Variants in UPF2 observed in about 807,000 individuals in gnomAD.
UPF2 encodes UPF2 regulator of nonsense mediated mRNA decay.
Under a neutral mutation model 141.4 loss-of-function variants are expected in UPF2, and 17 were observed. That is an observed-to-expected ratio of 0.12 (90% CI 0.08 to 0.18). UPF2 has a LOEUF of 0.18. Among genes scored for constraint, UPF2 ranks in the 10% least tolerant of loss-of-function variants. The pLI, the probability that UPF2 is intolerant of heterozygous loss-of-function variation, is 1.00. For missense variants in UPF2, 1,152 were observed against 1,515.9 expected (o/e 0.76, Z 3.99); for synonymous variants, 540 against 498.0 (o/e 1.08, Z -1.12).
rs978794702 is a variant in UPF2 at position 11,921,448 on chromosome 10, C to T, written c.3810-141G>A. 1 of 876,934 alleles carries T rather than the reference C, an allele frequency of 1.1e-6. No individual in the cohort carries two copies. The highest frequency in any genetic ancestry group is 1.5e-5 in the South Asian group (1 of 65,508). The allele number at this position is 876,934 out of a possible 1,614,324, so 54.3% of individuals were successfully genotyped here. A position where few individuals can be genotyped will look rare whatever the true frequency, so the allele number is the denominator to read the frequency against. ...GCCCTGGCATCTGCGGGTTCCACAT[C>T]CATGGACCAAAAATATTCGGGGGAA... On this transcript the variant is annotated intron_variant, in intron 21 of 21. Coordinates refer to ENST00000357604, the MANE Select transcript of UPF2 (RefSeq NM_015542.4). The surrounding 1 kb of genome is among the most constrained non-coding windows in gnomAD (Gnocchi z 5.9).
At chr10:11,938,868 T>TGTTTTTTTTTTTG (rs1340961677) in intron 18 of UPF2, among the ~76,000 whole-genome samples, 96 of 90,854 alleles carry the variant, frequency 1.1e-3, no homozygotes, top group Non-Finnish European at 1.9e-3. Flanking sequence ...TTTTTTTTTT[T>TGTTTTTTTTTTTG]TTTTTTTTTT....
rs926579572 is a variant in UPF2, at chr10:12,009,893, T to C, written c.1306+4131A>G. 9.9e-5 allele frequency among the ~76,000 whole-genome samples: 15 copies of C among 152,188 alleles called. 1 individual carries two copies. Among genetic ancestry groups the C allele is most frequent in the Admixed American group, 8.5e-4 (13 of 15,276 alleles). The stretch of plus-strand genomic sequence containing the variant: ...AACAAAATGTTCACCTGAGTACTGA[T>C]CAGCCTCTATGTGTGAGGAAACTAG... On this transcript the variant is annotated intron_variant, in intron 4 of 21. Transcript: ENST00000357604.
intron 2 of UPF2, among the ~76,000 whole-genome samples, chr10:12,030,682 C>T (rs879629661): frequency 7.4e-6 from 1 of 135,258 alleles, no homozygotes; most frequent in Admixed American, 7.3e-5. Context: ...AGGAGATCGA[C>T]ACCATCCTGA....
chr10:12,012,517 C>T (rs993684946), intron 4 of UPF2, among the ~76,000 whole-genome samples: 6 of 152,144 alleles, frequency 3.9e-5, no homozygotes, highest in Admixed American at 1.3e-4. Context: ...CAGTGGCTCA[C>T]GCCTGTTATC....
chr10:11,937,009 C>A (rs1462955371), intron 18 of UPF2, among the ~76,000 whole-genome samples: 1 of 152,226 alleles, frequency 6.6e-6, no homozygotes, highest in Non-Finnish European at 1.5e-5. Context: ...TACCAAATCC[C>A]CCTGCTCCTC....
intron 19 of UPF2, among the ~76,000 whole-genome samples, chr10:11,933,168 T>G (rs974801014): frequency 1.3e-5 from 2 of 152,168 alleles, no homozygotes; most frequent in Non-Finnish European, 2.9e-5. Flanking sequence ...ACAAATTTGA[T>G]GCACAAAGAG....
In UPF2 at chr10:11,949,700, T is replaced by C. The variant is rs138859301; in HGVS notation, c.3035-1192A>G. Among the ~76,000 whole-genome samples, 237 of 152,328 alleles carry C rather than the reference T, an allele frequency of 1.6e-3. 1 individual carries two copies. Among genetic ancestry groups the C allele is most frequent in the African/African-American group, 5.3e-3 (219 of 41,576 alleles). On this transcript the variant is annotated intron_variant, in intron 15 of 21. Coordinates refer to ENST00000357604, the MANE Select transcript of UPF2 (RefSeq NM_015542.4). ...TTCAAGCAGGAAGAAACTTTAGCGATGATGTGATTTAACCCTCTCATTTCA... is the reference window on the plus strand; with the variant it reads ...TTCAAGCAGGAAGAAACTTTAGCGACGATGTGATTTAACCCTCTCATTTCA...
chr10:12,042,671 G>A lies in UPF2; in HGVS notation c.-19+84C>T, dbSNP rs1834759501. The A allele has an allele frequency of 6.6e-6, 1 of 152,558 alleles. No homozygotes were observed. Among genetic ancestry groups the A allele is most frequent in the South Asian group, 2.1e-4 (1 of 4,840 alleles). 9.5% of individuals were successfully genotyped at this position (152,558 alleles called of 1,614,324 possible). A position where few individuals can be genotyped will look rare whatever the true frequency, so the allele number is the denominator to read the frequency against. ...GGAGTCGCCTCTGGGGTCCCCCAGG[G>A]AGTAGGAGTCTAGGCCGGTGCCCCC... On this transcript the variant is annotated intron_variant, in intron 1 of 21. Coordinates refer to ENST00000357604, the MANE Select transcript of UPF2 (RefSeq NM_015542.4). This position sits in a 1 kb window ranked among gnomAD's most constrained non-coding sequence, Gnocchi z 5.5.
chr10:11,992,372 T>C lies in UPF2; in HGVS notation c.1844+5300A>G, dbSNP rs1233805303. On this transcript the variant is annotated intron_variant, in intron 8 of 21. Transcript: ENST00000357604. The surrounding 1 kb of genome is among the most constrained non-coding windows in gnomAD (Gnocchi z 4.1). ...ACATTTAAGAGTAAAAAGGAAAATATTAAGGAAGAAAACATTATTAACTAA... is the reference window on the plus strand; with the variant it reads ...ACATTTAAGAGTAAAAAGGAAAATACTAAGGAAGAAAACATTATTAACTAA... Among the ~76,000 whole-genome samples the C allele has an allele frequency of 3.9e-5, 6 of 151,976 alleles. No homozygotes were observed. Among genetic ancestry groups the C allele is most frequent in the Admixed American group, 3.9e-4 (6 of 15,258 alleles).
chr10:11,970,430 C>CT (rs370761112), intron 9 of UPF2, among the ~76,000 whole-genome samples: 144 of 148,166 alleles, frequency 9.7e-4, no homozygotes, highest in African/African-American at 3.0e-3. Context: ...TTTTTCTTTC[C>CT]TTTTTTTTTT....
Position 11,956,254 on chromosome 10 carries a change from G to T in UPF2, c.2574+66C>A. ...GATTCCTATAACTTGAGTCTCAATA[G>T]TAACCTAGAAATAATAAATTCTCCA... is the stretch of plus-strand genomic sequence containing the variant. On this transcript the variant is annotated intron_variant, in intron 13 of 21. Transcript: ENST00000357604. This position sits in a 1 kb window ranked among gnomAD's most constrained non-coding sequence, Gnocchi z 4.2. 1 of 1,457,190 alleles carries T rather than the reference G, an allele frequency of 6.9e-7. No individual in the cohort carries two copies. Among genetic ancestry groups the T allele is most frequent in the Non-Finnish European group, 9.6e-7 (1 of 1,042,602 alleles). 90.3% of individuals were successfully genotyped at this position (1,457,190 alleles called of 1,614,324 possible).
chr10:11,991,962 A>G (rs1833787953), intron 8 of UPF2, among the ~76,000 whole-genome samples: 1 of 152,200 alleles, frequency 6.6e-6, no homozygotes, highest in Non-Finnish European at 1.5e-5. Context: ...CCTGGCCAAC[A>G]TGATGAAACC....
chr10:11,990,447 A>C (rs1833759696), intron 8 of UPF2, among the ~76,000 whole-genome samples: 1 of 152,184 alleles, frequency 6.6e-6, no homozygotes, highest in Admixed American at 6.5e-5. Context: ...AAGGGTTAGG[A>C]GGCCGGGTGG....
intron 1 of UPF2, among the ~76,000 whole-genome samples, chr10:12,040,048 T>C (rs1834708227): frequency 6.6e-6 from 1 of 152,246 alleles, no homozygotes; most frequent in African/African-American, 2.4e-5. Flanking sequence ...CAAACTTTCA[T>C]GACTCTTTAA....
intron 4 of UPF2, among the ~76,000 whole-genome samples, chr10:12,009,510 C>G (rs1035591762): frequency 6.6e-6 from 1 of 152,110 alleles, no homozygotes; most frequent in Non-Finnish European, 1.5e-5. Flanking sequence ...ATCAGTGACC[C>G]AAAATAACTA....
At chr10:12,013,950 A>C (rs1834174815) in intron 4 of UPF2, 74 bp downstream of exon 4, 1 of 1,336,506 alleles carries the variant, frequency 7.5e-7, no homozygotes, top group Admixed American at 2.9e-5. Flanking sequence ...TCAATACTGC[A>C]CATCTGATAA....
In UPF2 at chr10:12,016,545, T is replaced by G. The variant is rs1342800608; in HGVS notation, c.1146-2361A>C. 6.6e-6 allele frequency among the ~76,000 whole-genome samples: 1 copy of G among 151,670 alleles called. No homozygotes were observed. The highest frequency in any genetic ancestry group is 1.5e-5 in the Non-Finnish European group (1 of 67,946). On this transcript the variant is annotated intron_variant, in intron 3 of 21. Coordinates refer to ENST00000357604, the MANE Select transcript of UPF2 (RefSeq NM_015542.4). The surrounding 1 kb of genome is among the most constrained non-coding windows in gnomAD (Gnocchi z 4.1). ...TCTGTCTCTACTAAAAATACAAAAA[T>G]TAGCCGGGTGTGGTGGTAGGTGCCT...
At position 12,029,069 on chromosome 10, in the gene UPF2, A is replaced by G; in HGVS notation, c.821T>C (p.Ile274Thr). Residue 274 changes from isoleucine (I) to threonine (T), a missense_variant, in exon 3 of 22, where the codon ATA becomes ACA. By Grantham distance (89) the Ile-to-Thr change is moderately conservative. Coordinates refer to ENST00000357604, the MANE Select transcript of UPF2 (RefSeq NM_015542.4). ...TDLRFIAELTIVGIFTDKEGL... is the reference protein window; with the variant it reads ...TDLRFIAELTTVGIFTDKEGL... Reference sequence around the variant, plus strand: ...TTCCTTGTCAGTGAAAATCCCAACTATTGTCAATTCTGCAATAAAACGCAA... The same window carrying G: ...TTCCTTGTCAGTGAAAATCCCAACTGTTGTCAATTCTGCAATAAAACGCAA... The G allele has an allele frequency of 6.2e-7, 1 of 1,614,186 alleles. No homozygotes were observed. The highest frequency in any genetic ancestry group is 8.5e-7 in the Non-Finnish European group (1 of 1,180,030).
chr10:11,938,354 A>G (rs1039365981), intron 18 of UPF2, among the ~76,000 whole-genome samples: 2 of 152,058 alleles, frequency 1.3e-5, no homozygotes, highest in African/African-American at 4.8e-5. Context: ...TTCTATCACA[A>G]TGTGACATCT....
Sources: allele counts gnomAD v4.1 joint callset (sites outside exome capture counted in the v4.1 genomes callset), GRCh38; gene constraint gnomAD v4.1.1; non-coding constraint Gnocchi (gnomAD v3.1); transcripts MANE v1.5; gene names NCBI Gene and HGNC (gene_info 2026-07-23, HGNC 2026-07-21).